OTUD7B: variants seen among roughly 807,000 people sequenced by gnomAD.
The protein encoded by OTUD7B is OTU domain-containing protein 7B.
In OTUD7B, 34 loss-of-function variants were observed where a neutral mutation model predicts 82.2. The observed-to-expected ratio is 0.41, with a 90% CI of 0.31 to 0.55. The LOEUF (loss-of-function observed/expected upper bound fraction) is 0.55. OTUD7B is among the 20% of genes least tolerant of loss of function. The pLI is 0.20. For missense variants in OTUD7B, 944 were observed against 1,062.1 expected, an observed-to-expected ratio of 0.89 and a Z score of 1.55; for synonymous variants, 398 against 402.7, an observed-to-expected ratio of 0.99 and a Z score of 0.14.
At chr1:149,945,852 G>A (rs189866403) in intron 11 of OTUD7B, among the ~76,000 whole-genome samples, 27 of 150,360 alleles carry the variant, frequency 1.8e-4, no homozygotes, top group Admixed American at 1.8e-3. Context: ...CCTGAGGTCG[G>A]GAGTTCCAGA....
chr1:149,959,841 G>T, intron 6 of OTUD7B, 45 bp from the exon 7 acceptor site: 1 of 1,232,484 alleles, frequency 8.1e-7, no homozygotes, highest in Non-Finnish European at 1.2e-6. Context: ...TAGAGGCTGG[G>T]TTCTAAGAGG....
At chr1:150,051,770 A>G in the OTUD7B span, among the ~76,000 whole-genome samples, 5 of 152,202 alleles carry the variant, frequency 3.3e-5, no homozygotes, top group African/African-American at 1.2e-4. Flanking sequence ...TATTAAGAGA[A>G]TAATCTTAAA....
the OTUD7B span, among the ~76,000 whole-genome samples, chr1:150,033,300 C>CA: frequency 1.3e-5 from 2 of 152,018 alleles, no homozygotes; most frequent in Non-Finnish European, 2.9e-5. Context: ...AACTTTTGCC[C>CA]AAAAAATCTA....
chr1:150,013,876 C>T (rs1282173263), upstream of OTUD7B, among the ~76,000 whole-genome samples: 2 of 140,344 alleles, frequency 1.4e-5, no homozygotes, highest in African/African-American at 2.7e-5. Flanking sequence ...GAGACGAGAT[C>T]GCGCCACTGC....
At chr1:149,998,818 C>T (rs1262773217) in intron 1 of OTUD7B, among the ~76,000 whole-genome samples, 1 of 152,148 alleles carries the variant, frequency 6.6e-6, no homozygotes, top group Non-Finnish European at 1.5e-5. Flanking sequence ...TTAGACAAGT[C>T]ATTTAAATTT....
the OTUD7B span, among the ~76,000 whole-genome samples, chr1:150,062,206 G>A: frequency 1.3e-5 from 2 of 152,178 alleles, no homozygotes; most frequent in Admixed American, 1.3e-4. Context: ...GAATTTTTGA[G>A]TACAAGAGTA....
the OTUD7B span, among the ~76,000 whole-genome samples, chr1:150,040,482 T>G: frequency 6.6e-6 from 1 of 152,328 alleles, no homozygotes; most frequent in African/African-American, 2.4e-5. Flanking sequence ...TGCTAATTTT[T>G]GATTTAATAT....
At chr1:149,990,821 G>A (rs951986338) in intron 1 of OTUD7B, among the ~76,000 whole-genome samples, 17 of 151,898 alleles carry the variant, frequency 1.1e-4, no homozygotes, top group African/African-American at 2.7e-4. Context: ...GTGAAACCCC[G>A]TCTCTACTAA....
intron 1 of OTUD7B, among the ~76,000 whole-genome samples, chr1:149,985,787 T>C (rs1651094511): frequency 6.6e-6 from 1 of 151,932 alleles, no homozygotes; most frequent in Non-Finnish European, 1.5e-5. Context: ...AGGCCCTTCA[T>C]GATCTGGCTC....
At chr1:150,049,955 T>A in the OTUD7B span, among the ~76,000 whole-genome samples, 2 of 152,144 alleles carry the variant, frequency 1.3e-5, no homozygotes, top group Admixed American at 1.3e-4. Flanking sequence ...CTCATTCCTG[T>A]CATCCCAACA....
At position 149,949,748 on chromosome 1, in the gene OTUD7B, T is replaced by C. The variant is rs782789210; in HGVS notation, c.1004A>G (p.Tyr335Cys). 10 of 1,614,168 alleles carry C rather than the reference T, an allele frequency of 6.2e-6. No individual in the cohort carries two copies. Among genetic ancestry groups the C allele is most frequent in the Non-Finnish European group, 7.6e-6 (9 of 1,180,026 alleles). ...AFAPIPFGGI[Y>C]LPLEVPASQC... is the part of the protein sequence containing the mutation. ...GCTGGCTGGGACCTCCAAAGGCAGA[T>C]AGATTCCTCCAAAGGGAATAGGGGC... Residue 335 changes from tyrosine to cysteine, a missense_variant, in exon 9 of 12, where the codon TAT becomes TGT. Around this residue, in one of 3 missense-constraint regions of OTUD7B, gnomAD observed 530 missense variants for 625.6 expected, o/e 0.85. Coordinates refer to ENST00000581312, the MANE Select transcript of OTUD7B (RefSeq NM_020205.4).
At chr1:149,947,572 T>C (rs1348004480) in intron 10 of OTUD7B, among the ~76,000 whole-genome samples, 1 of 152,072 alleles carries the variant, frequency 6.6e-6, no homozygotes, top group African/African-American at 2.4e-5. Context: ...AGGGTTGTTG[T>C]AAAGATTAAA....
At chr1:149,969,904 G>A (rs1649794586) in intron 3 of OTUD7B, among the ~76,000 whole-genome samples, 1 of 152,010 alleles carries the variant, frequency 6.6e-6, no homozygotes, top group South Asian at 2.1e-4. Context: ...GTTTCACCAT[G>A]TAGGCCAGGC....
intron 6 of OTUD7B, chr1:149,963,126 A>G (rs1260420433): frequency 6.6e-6 from 1 of 152,220 alleles, no homozygotes; most frequent in Non-Finnish European, 1.5e-5. Flanking sequence ...AAAATTCTAA[A>G]TAACTAAAAC....
chr1:150,046,123 C>T, the OTUD7B span, among the ~76,000 whole-genome samples: 3 of 152,158 alleles, frequency 2.0e-5, no homozygotes, highest in Admixed American at 2.0e-4. Flanking sequence ...CTATGGCCTA[C>T]AGGATGGCTT....
chr1:149,993,785 T>C (rs1014268404), intron 1 of OTUD7B, among the ~76,000 whole-genome samples: 1 of 152,182 alleles, frequency 6.6e-6, no homozygotes, highest in African/African-American at 2.4e-5. Flanking sequence ...ATATCTGTAT[T>C]ATAGGAATGT....
intron 2 of OTUD7B, among the ~76,000 whole-genome samples, chr1:149,971,671 AGT>A (rs1358240762): frequency 6.6e-6 from 1 of 152,158 alleles, no homozygotes; most frequent in African/African-American, 2.4e-5. Context: ...CATGTACTCT[AGT>A]GTGTCCTAAA....
chr1:150,046,517 G>A, the OTUD7B span, among the ~76,000 whole-genome samples: 5 of 144,442 alleles, frequency 3.5e-5, no homozygotes, highest in African/African-American at 5.2e-5. Flanking sequence ...GGGCGATCTC[G>A]GCTCACTGCA....
chr1:150,025,277 T>C, the OTUD7B span, among the ~76,000 whole-genome samples: 1 of 151,626 alleles, frequency 6.6e-6, no homozygotes, highest in Non-Finnish European at 1.5e-5. Flanking sequence ...CAACTGGGCA[T>C]GGTGGCACAT....
Sources: allele counts gnomAD v4.1 joint callset (sites outside exome capture counted in the v4.1 genomes callset), GRCh38; gene constraint gnomAD v4.1.1; regional missense constraint gnomAD v4.1.1; transcripts MANE v1.5; gene names NCBI Gene and HGNC (gene_info 2026-07-23, HGNC 2026-07-21).